Variants in TENT4A observed in about 807,000 individuals in gnomAD.
TENT4A encodes the protein terminal nucleotidyltransferase 4A.
Under a neutral mutation model 72.8 loss-of-function variants are expected in TENT4A, and 7 were observed. That is an observed-to-expected ratio of 0.10 (90% CI 0.05 to 0.18). The LOEUF (loss-of-function observed/expected upper bound fraction) is 0.18, where lower values mean the gene tolerates loss of function less well. TENT4A is among the 10% of genes least tolerant of loss of function. The probability of loss-of-function intolerance (pLI) is 1.00; values close to 1 mark genes in which losing one functional copy is unlikely to be tolerated. For missense variants in TENT4A, 831 were observed against 1,017.7 expected, an observed-to-expected ratio of 0.82 and a Z score of 2.50; for synonymous variants, 456 against 434.3, an observed-to-expected ratio of 1.05 and a Z score of -0.62.
rs1402839336 is a variant in TENT4A at position 6,713,546 on chromosome 5, G to GCGC, written c.-436_-434dup. 6.8e-6 allele frequency: 1 copy of GCGC among 148,056 alleles called. No homozygotes were observed. Among genetic ancestry groups the GCGC allele is most frequent in the Admixed American group, 6.7e-5 (1 of 14,908 alleles). The allele number at this position is 148,056 out of a possible 1,614,324, so 9.2% of individuals were successfully genotyped here. On this transcript the variant is annotated 5_prime_UTR_variant, in exon 1 of 13. Transcript: ENST00000230859. Reference sequence around the variant, plus strand: ...CTGAGGGCTAGCCGCACGGGCGGCGGCGCCTCCCGCGGGTCCTTCAGCCGC... The same window carrying GCGC: ...CTGAGGGCTAGCCGCACGGGCGGCGGCGCCGCCTCCCGCGGGTCCTTCAGCCGC...
intron 4 of TENT4A, among the ~76,000 whole-genome samples, chr5:6,741,058 G>A (rs368697116): frequency 1.3e-5 from 2 of 152,196 alleles, no homozygotes; most frequent in Admixed American, 6.5e-5. Context: ...CTGACCAGGC[G>A]ACCACCTTTG....
chr5:6,714,051 T>C lies in TENT4A; in HGVS notation c.68T>C (p.Ile23Thr). The stretch of plus-strand genomic sequence containing the variant: ...CCGGCCAATGCCCTGTGGATGCAGA[T>C]CTGGGAGACCTCGCAGGGCGTGGGC... ...KGPANALWMQ[I>T]WETSQGVGRG... Residue 23 changes from isoleucine (I) to threonine (T), a missense_variant, in exon 1 of 13, where the codon ATC becomes ACC. Around this residue, in one of 3 missense-constraint regions of TENT4A, gnomAD observed 302 missense variants for 293.8 expected, o/e 1.03. Transcript: ENST00000230859. 1.0e-6 allele frequency: 1 copy of C among 994,476 alleles called. No homozygotes were observed. The highest frequency in any genetic ancestry group is 1.2e-6 in the Non-Finnish European group (1 of 836,620). 61.6% of individuals were successfully genotyped at this position (994,476 alleles called of 1,614,324 possible).
Position 6,751,472 on chromosome 5 carries a change from C to T in TENT4A, c.2019+275C>T, listed in dbSNP as rs115286346. ...TGCCTTCCTGCAAGTTTCCTCACTG[C>T]CCCAGCATGAGACTGCTGTCGAGGG... On this transcript the variant is annotated intron_variant, in intron 11 of 12. Coordinates refer to ENST00000230859, the MANE Select transcript of TENT4A (RefSeq NM_006999.6). The T allele has an allele frequency of 3.7e-3, 1,311 of 350,482 alleles. 16 individuals carry two copies. Among genetic ancestry groups the T allele is most frequent in the African/African-American group, 0.023 (1,105 of 48,068 alleles). The allele number at this position is 350,482 out of a possible 1,614,324, so 21.7% of individuals were successfully genotyped here.
At chr5:6,737,826 C>T (rs966174882) in intron 2 of TENT4A, among the ~76,000 whole-genome samples, 193 bp downstream of exon 2, 3 of 151,832 alleles carry the variant, frequency 2.0e-5, no homozygotes, top group African/African-American at 4.8e-5. Context: ...CACCTGCTGT[C>T]TTAGACACCT....
At chr5:6,735,325 G>GT (rs1741425352) in intron 1 of TENT4A, among the ~76,000 whole-genome samples, 2 of 152,318 alleles carry the variant, frequency 1.3e-5, no homozygotes, top group Admixed American at 1.3e-4. Context: ...ACATGGTGTA[G>GT]TGGTTTAGGT....
At chr5:6,727,672 G>A (rs1741004042) in intron 1 of TENT4A, among the ~76,000 whole-genome samples, 1 of 152,204 alleles carries the variant, frequency 6.6e-6, no homozygotes, top group Non-Finnish European at 1.5e-5. Context: ...TGGTATCAGG[G>A]AGGCTCTCCC....
chr5:6,741,347 A>C (rs573120729), intron 4 of TENT4A, among the ~76,000 whole-genome samples: 33 of 152,222 alleles, frequency 2.2e-4, no homozygotes, highest in African/African-American at 7.5e-4. Flanking sequence ...CAACAACCCA[A>C]AACTGTGTTA....
At chr5:6,734,890 G>A (rs999803645) in intron 1 of TENT4A, among the ~76,000 whole-genome samples, 6 of 152,192 alleles carry the variant, frequency 3.9e-5, no homozygotes, top group African/African-American at 7.2e-5. Context: ...GCCATGTTAC[G>A]CTGATTTTGT....
Position 6,751,207 on chromosome 5 carries a change from C to G in TENT4A, c.2019+10C>G. 6.2e-7 allele frequency: 1 copy of G among 1,614,110 alleles called. No homozygotes were observed. Among genetic ancestry groups the G allele is most frequent in the Non-Finnish European group, 8.5e-7 (1 of 1,179,952 alleles). ...GACAACCAACAATCAGGTACGTGGC[C>G]CTCTGGCACCCTTCCCGCTGGTGGC... is the stretch of plus-strand genomic sequence containing the variant. On this transcript the variant is annotated intron_variant, in intron 11 of 12. Transcript: ENST00000230859.
chr5:6,718,887 CAGG>C (rs1329236979), intron 1 of TENT4A, among the ~76,000 whole-genome samples: 2 of 151,908 alleles, frequency 1.3e-5, no homozygotes, highest in Admixed American at 6.5e-5. Flanking sequence ...AGGGGCTGCC[CAGG>C]AGGGCATGAC....
chr5:6,746,187 C>A lies in TENT4A; in HGVS notation c.1246-27C>A, dbSNP rs374254620. On this transcript the variant is annotated intron_variant, in intron 6 of 12. Transcript: ENST00000230859. ...CTTTAGAACATGCCATGAATCCATA[C>A]AAATTGTGGGTGCATTGCTTTTACA... 224 of 1,614,068 alleles carry A rather than the reference C, an allele frequency of 1.4e-4. 1 individual carries two copies. The South Asian group carries it at 1.5e-3, about 11-fold the overall frequency.
At chr5:6,715,235 C>T (rs1561022896) in intron 1 of TENT4A, 2 of 152,224 alleles carry the variant, frequency 1.3e-5, no homozygotes, top group African/African-American at 2.4e-5. Context: ...TTACCATAAG[C>T]ATCGCCTATG....
chr5:6,746,869 C>CG (rs1430026905), intron 7 of TENT4A, among the ~76,000 whole-genome samples: 1 of 152,156 alleles, frequency 6.6e-6, no homozygotes, highest in Non-Finnish European at 1.5e-5. Flanking sequence ...TGTCACTTGG[C>CG]TTTTGACTTA....
intron 8 of TENT4A, 107 bp downstream of exon 8, chr5:6,748,697 GT>G (rs1185133479): frequency 6.8e-6 from 8 of 1,176,870 alleles, no homozygotes; most frequent in Admixed American, 1.9e-5. Flanking sequence ...ATGTTCTGCC[GT>G]ATTTCAGTAG....
rs141863278 is a variant in TENT4A at position 6,750,409 on chromosome 5, A to T, written c.1766A>T (p.Tyr589Phe). Residue 589 changes from tyrosine to phenylalanine, a missense_variant, in exon 10 of 13, where the codon TAT becomes TTT. Around this residue, in one of 3 missense-constraint regions of TENT4A, gnomAD observed 332 missense variants for 324.3 expected, o/e 1.02. Transcript: ENST00000230859. Reference sequence around the variant, plus strand: ...CAGAACCGAGAGCCCGAGTCTCCCTATGGCCAGCGCTTGACTTTGTCGCTG... The same window carrying T: ...CAGAACCGAGAGCCCGAGTCTCCCTTTGGCCAGCGCTTGACTTTGTCGCTG... ...QTQNREPESP[Y>F]GQRLTLSLSS... The T allele has an allele frequency of 6.2e-7, 1 of 1,613,238 alleles. No homozygotes were observed.
chr5:6,722,779 G>C (rs1404650152), intron 1 of TENT4A, among the ~76,000 whole-genome samples: 3 of 152,100 alleles, frequency 2.0e-5, no homozygotes, highest in South Asian at 2.1e-4. Flanking sequence ...TTCTAACATA[G>C]TGTTCTGTGT....
chr5:6,725,903 C>A (rs944468272), intron 1 of TENT4A, among the ~76,000 whole-genome samples: 2 of 152,164 alleles, frequency 1.3e-5, no homozygotes, highest in Non-Finnish European at 2.9e-5. Context: ...GTTGGAAATA[C>A]TAGTTTCTAA....
At chr5:6,738,167 C>T (rs1741609270) in intron 2 of TENT4A, among the ~76,000 whole-genome samples, 1 of 151,998 alleles carries the variant, frequency 6.6e-6, no homozygotes, top group African/African-American at 2.4e-5. Flanking sequence ...TGAAGCCTGC[C>T]CCTGGCCGGC....
At chr5:6,741,835 A>G (rs944125139) in intron 4 of TENT4A, among the ~76,000 whole-genome samples, 2 of 152,186 alleles carry the variant, frequency 1.3e-5, no homozygotes, top group Non-Finnish European at 2.9e-5. Flanking sequence ...TTCAAGGCTG[A>G]AGGAAACAAA....
Sources: allele counts gnomAD v4.1 joint callset (sites outside exome capture counted in the v4.1 genomes callset), GRCh38; gene constraint gnomAD v4.1.1; regional missense constraint gnomAD v4.1.1; transcripts MANE v1.5; gene names NCBI Gene and HGNC (gene_info 2026-07-23, HGNC 2026-07-21).